Variants in FAM222B observed in about 807,000 individuals in gnomAD.
FAM222B encodes protein FAM222B.
Under a neutral mutation model 38.0 loss-of-function variants are expected in FAM222B, and 12 were observed. The observed-to-expected ratio is 0.32, with a 90% CI of 0.20 to 0.51. The LOEUF (loss-of-function observed/expected upper bound fraction) is 0.51. FAM222B is among the 20% of genes least tolerant of loss of function. The pLI, the probability that FAM222B is intolerant of heterozygous loss-of-function variation, is 0.97. For missense variants in FAM222B, 716 were observed against 754.2 expected (o/e 0.95, Z 0.59); for synonymous variants, 329 against 317.2 (o/e 1.04, Z -0.40).
At chr17:28,798,068 A>G (rs1394452612) in intron 1 of FAM222B, among the ~76,000 whole-genome samples, 4 of 151,990 alleles carry the variant, frequency 2.6e-5, no homozygotes, top group Non-Finnish European at 5.9e-5. Context: ...GCCACACAAA[A>G]AGAGTAATAA....
intron 1 of FAM222B, among the ~76,000 whole-genome samples, chr17:28,848,632 C>T (rs1197802611): frequency 6.6e-6 from 1 of 151,874 alleles, no homozygotes; most frequent in Non-Finnish European, 1.5e-5. Context: ...GTGGTGGCTA[C>T]CTGTAATCCC....
intron 1 of FAM222B, among the ~76,000 whole-genome samples, chr17:28,796,508 C>T (rs956075525): frequency 2.0e-5 from 3 of 152,102 alleles, no homozygotes; most frequent in Admixed American, 6.5e-5. Flanking sequence ...CCCCTGGATG[C>T]GCTAAAGTAA....
chr17:28,763,857 C>G (rs1271857552), intron 2 of FAM222B, among the ~76,000 whole-genome samples: 1 of 152,144 alleles, frequency 6.6e-6, no homozygotes, highest in East Asian at 1.9e-4. Context: ...TGACTTTATC[C>G]AGTCATTGGG....
intron 1 of FAM222B, among the ~76,000 whole-genome samples, chr17:28,820,961 A>T (rs66509310): frequency 0.19 from 25,147 of 129,992 alleles, 2,443 homozygotes; most frequent in South Asian, 0.31. Flanking sequence ...TTTTTATTTT[A>T]TTTTTTTTTT....
intron 1 of FAM222B, among the ~76,000 whole-genome samples, chr17:28,838,830 A>C (rs906820882): frequency 6.6e-6 from 1 of 151,844 alleles, no homozygotes. Context: ...TCACTTGAAC[A>C]CAGGAGGCAG....
intron 1 of FAM222B, among the ~76,000 whole-genome samples, chr17:28,807,034 A>G (rs1054584670): frequency 1.3e-5 from 2 of 149,618 alleles, no homozygotes; most frequent in African/African-American, 2.5e-5. Context: ...TTTTTTTTTT[A>G]GATGGAATTT....
intron 1 of FAM222B, among the ~76,000 whole-genome samples, chr17:28,776,473 T>A (rs2035904409): frequency 6.7e-6 from 1 of 148,252 alleles, no homozygotes; most frequent in African/African-American, 2.5e-5. Context: ...TTTTTTTTTT[T>A]TGAGACAGGG....
At chr17:28,780,306 C>G (rs1248549243) in intron 1 of FAM222B, among the ~76,000 whole-genome samples, 1 of 152,010 alleles carries the variant, frequency 6.6e-6, no homozygotes, top group Admixed American at 6.6e-5. Flanking sequence ...AAAAAGACAT[C>G]TAAATCGGAA....
chr17:28,772,469 A>T (rs1597873063), intron 1 of FAM222B, among the ~76,000 whole-genome samples: 2 of 151,870 alleles, frequency 1.3e-5, no homozygotes, highest in African/African-American at 2.4e-5. Context: ...TCATGCCTGT[A>T]ATCCCAGCAC....
At chr17:28,853,913 C>A (rs1017568730) in intron 1 of FAM222B, among the ~76,000 whole-genome samples, 1 of 151,740 alleles carries the variant, frequency 6.6e-6, no homozygotes. Context: ...TTCCTCAACA[C>A]CCCCTCTACC....
intron 1 of FAM222B, among the ~76,000 whole-genome samples, chr17:28,831,014 G>C (rs1162331771): frequency 5.8e-4 from 32 of 55,194 alleles, no homozygotes; most frequent in African/African-American, 3.9e-3. Context: ...TTTTTTTTTT[G>C]AGACGGAGTC....
At chr17:28,853,640 G>T (rs1371909766) in intron 1 of FAM222B, among the ~76,000 whole-genome samples, 1 of 152,140 alleles carries the variant, frequency 6.6e-6, no homozygotes, top group Non-Finnish European at 1.5e-5. Flanking sequence ...TAGAGATGGG[G>T]TCCCTGAAAT....
At chr17:28,767,016 G>A (rs1217830441) in intron 1 of FAM222B, 1 of 223,184 alleles carries the variant, frequency 4.5e-6, no homozygotes, top group African/African-American at 2.3e-5. Context: ...CCTGAGGAGA[G>A]TGGGCCCTCA....
intron 1 of FAM222B, among the ~76,000 whole-genome samples, chr17:28,774,446 G>A (rs2035789131): frequency 6.6e-6 from 1 of 152,124 alleles, no homozygotes; most frequent in African/African-American, 2.4e-5. Context: ...AGCTACCCAA[G>A]GCAGGGGGAC....
At chr17:28,832,840 A>G (rs772236945) in intron 1 of FAM222B, among the ~76,000 whole-genome samples, 12 of 152,010 alleles carry the variant, frequency 7.9e-5, no homozygotes, top group Admixed American at 4.6e-4. Context: ...AACAAGCTAC[A>G]AAAAGAATCC....
intron 1 of FAM222B, among the ~76,000 whole-genome samples, chr17:28,823,333 G>C (rs2038329206): frequency 6.6e-6 from 1 of 150,456 alleles, no homozygotes; most frequent in Non-Finnish European, 1.5e-5. Context: ...CCTCTATATA[G>C]CATTCAACAG....
upstream of FAM222B, among the ~76,000 whole-genome samples, chr17:28,844,807 C>G (rs959293811): frequency 1.3e-5 from 2 of 150,958 alleles, no homozygotes; most frequent in Non-Finnish European, 3.0e-5. Flanking sequence ...TACAAAAAAT[C>G]TAAAAAATAG....
intron 1 of FAM222B, among the ~76,000 whole-genome samples, chr17:28,807,649 G>C (rs982714488): frequency 2.6e-5 from 4 of 152,206 alleles, no homozygotes; most frequent in African/African-American, 9.6e-5. Flanking sequence ...GCCTCCTGAA[G>C]TGTTGGGATT....
chr17:28,843,756 G>A (rs1165744456), upstream of FAM222B, among the ~76,000 whole-genome samples: 1 of 151,838 alleles, frequency 6.6e-6, no homozygotes, highest in Non-Finnish European at 1.5e-5. Context: ...TAAAATTTGG[G>A]TCTCTTTCAA....
Sources: allele counts gnomAD v4.1 joint callset (sites outside exome capture counted in the v4.1 genomes callset), GRCh38; gene constraint gnomAD v4.1.1; transcripts MANE v1.5; gene names NCBI Gene and HGNC (gene_info 2026-07-23, HGNC 2026-07-21).